SRRM4: variants seen among roughly 807,000 people sequenced by gnomAD.
SRRM4 encodes the protein serine/arginine repetitive matrix 4.
SRRM4 carries 33 observed loss-of-function variants against 68.9 expected under a neutral mutation model. The observed-to-expected ratio is 0.48, with a 90% CI of 0.36 to 0.64. SRRM4 has a LOEUF of 0.64. SRRM4 is among the 30% of genes least tolerant of loss of function. The probability of loss-of-function intolerance (pLI) is 0.00; values close to 1 mark genes in which losing one functional copy is unlikely to be tolerated. For missense variants in SRRM4, 817 were observed against 827.1 expected, an observed-to-expected ratio of 0.99 and a Z score of 0.15; for synonymous variants, 318 against 318.8, an observed-to-expected ratio of 1.00 and a Z score of 0.03.
intron 7 of SRRM4, among the ~76,000 whole-genome samples, chr12:119,127,844 C>T (rs1184858280): frequency 6.6e-6 from 1 of 152,160 alleles, no homozygotes; most frequent in Non-Finnish European, 1.5e-5. Context: ...TGCTCTGTGT[C>T]AGACACTGTG....
At chr12:119,142,757 T>C (rs1021029364) in intron 8 of SRRM4, among the ~76,000 whole-genome samples, 12 of 152,172 alleles carry the variant, frequency 7.9e-5, no homozygotes, top group African/African-American at 2.9e-4. Context: ...AAAGATTCCA[T>C]GATCCCATCT....
intron 1 of SRRM4, among the ~76,000 whole-genome samples, chr12:118,986,896 A>G (rs1953285786): frequency 6.6e-6 from 1 of 151,838 alleles, no homozygotes; most frequent in Admixed American, 6.6e-5. Flanking sequence ...AGAGCAATAC[A>G]TTAAAAAAAA....
chr12:119,116,425 C>A (rs1436237215), intron 3 of SRRM4, among the ~76,000 whole-genome samples: 1 of 152,150 alleles, frequency 6.6e-6, no homozygotes, highest in Non-Finnish European at 1.5e-5. Context: ...AAAGGAGAAA[C>A]CCTGAGACTT....
At chr12:118,991,322 T>C (rs914332758) in intron 1 of SRRM4, among the ~76,000 whole-genome samples, 1 of 152,244 alleles carries the variant, frequency 6.6e-6, no homozygotes, top group Non-Finnish European at 1.5e-5. Context: ...TCCTCTCCCC[T>C]GGTGCCTGAT....
Position 118,999,079 on chromosome 12 carries a change from A to G in SRRM4, c.131+17066A>G, listed in dbSNP as rs74733139. 8.9e-3 allele frequency among the ~76,000 whole-genome samples: 1,357 copies of G among 152,310 alleles called. 29 individuals are homozygous for G. The East Asian group carries it at 0.1, about 12-fold the overall frequency. Reference sequence around the variant, plus strand: ...GGATCAGGAAGACAAAATGAAGACAATCTTGGTGAAGACAGGGCAAAGGTA... The same window carrying G: ...GGATCAGGAAGACAAAATGAAGACAGTCTTGGTGAAGACAGGGCAAAGGTA... On this transcript the variant is annotated intron_variant, in intron 1 of 12. Transcript: ENST00000267260.
intron 1 of SRRM4, among the ~76,000 whole-genome samples, chr12:119,053,175 G>A (rs1410366006): frequency 6.6e-6 from 1 of 152,016 alleles, no homozygotes; most frequent in Non-Finnish European, 1.5e-5. Flanking sequence ...AGCCTGGGGC[G>A]AGTAGCAGTG....
Position 119,057,107 on chromosome 12 carries a change from C to T in SRRM4, c.132-45129C>T, listed in dbSNP as rs1157786347. Among the ~76,000 whole-genome samples, 4 of 152,354 alleles carry T rather than the reference C, an allele frequency of 2.6e-5. No individual in the cohort carries two copies. The East Asian group carries it at 7.7e-4, about 29-fold the overall frequency. On this transcript the variant is annotated intron_variant, in intron 1 of 12. Coordinates refer to ENST00000267260, the MANE Select transcript of SRRM4 (RefSeq NM_194286.4). ...AAGAACATAAAAGAAATGAAACCCG[C>T]ATCCTCAGACACTTGGTCCATGGTT...
intron 1 of SRRM4, among the ~76,000 whole-genome samples, chr12:119,005,060 T>C (rs1953407833): frequency 6.6e-6 from 1 of 152,204 alleles, no homozygotes; most frequent in Admixed American, 6.5e-5. Context: ...CTATTTGAAA[T>C]AAACATAATA....
At chr12:119,059,410 G>A (rs1350592615) in intron 1 of SRRM4, among the ~76,000 whole-genome samples, 1 of 152,096 alleles carries the variant, frequency 6.6e-6, no homozygotes, top group African/African-American at 2.4e-5. Context: ...CATTTATCAA[G>A]GACTTGGGGA....
chr12:119,131,010 A>G (rs1307838336), intron 8 of SRRM4, among the ~76,000 whole-genome samples, 176 bp downstream of exon 8: 1 of 152,170 alleles, frequency 6.6e-6, no homozygotes, highest in African/African-American at 2.4e-5. Context: ...CTTTGGCAAC[A>G]CTGGCTTGGG....
chr12:118,998,143 G>A (rs1404374820), intron 1 of SRRM4, among the ~76,000 whole-genome samples: 2 of 151,938 alleles, frequency 1.3e-5, no homozygotes, highest in Admixed American at 6.6e-5. Flanking sequence ...TAAGGGTCAC[G>A]TAGCTTGGTC....
At chr12:119,048,478 C>G (rs1174535024) in intron 1 of SRRM4, among the ~76,000 whole-genome samples, 1 of 152,150 alleles carries the variant, frequency 6.6e-6, no homozygotes, top group Non-Finnish European at 1.5e-5. Flanking sequence ...GCCTGGGATA[C>G]AGTTTTCCAA....
At position 119,059,259 on chromosome 12, in the gene SRRM4, T is replaced by TATTC. The variant is rs139267945; in HGVS notation, c.132-42953_132-42950dup. 4.4e-3 allele frequency among the ~76,000 whole-genome samples: 667 copies of TATTC among 152,180 alleles called. 7 individuals carry two copies. Among genetic ancestry groups the TATTC allele is most frequent in the African/African-American group, 0.013 (528 of 41,476 alleles). On this transcript the variant is annotated intron_variant, in intron 1 of 12. Transcript: ENST00000267260. ...TTGAAAAGACTCAGAATGCTGCTTTTATTCATTCATTCATTCATTCATTCA... is the reference window on the plus strand; with the variant it reads ...TTGAAAAGACTCAGAATGCTGCTTTTATTCATTCATTCATTCATTCATTCATTCA...
chr12:119,161,797 T>C lies in SRRM4; in HGVS notation c.*4999T>C, dbSNP rs1954515848. The C allele has an allele frequency of 6.6e-6, 1 of 152,268 alleles. No homozygotes were observed. Among genetic ancestry groups the C allele is most frequent in the Admixed American group, 6.6e-5 (1 of 15,244 alleles). The allele number at this position is 152,268 out of a possible 1,614,324, so 9.4% of individuals were successfully genotyped here. A position where few individuals can be genotyped will look rare whatever the true frequency, so the allele number is the denominator to read the frequency against. Reference sequence around the variant, plus strand: ...AAATGGAACTAAAACACTGGTTATCTCCAGGAAAACCTCATTTAGATGGAA... The same window carrying C: ...AAATGGAACTAAAACACTGGTTATCCCCAGGAAAACCTCATTTAGATGGAA... On this transcript the variant is annotated 3_prime_UTR_variant, in exon 13 of 13. Transcript: ENST00000267260.
intron 7 of SRRM4, among the ~76,000 whole-genome samples, chr12:119,126,136 G>A (rs756648928): frequency 9.9e-5 from 14 of 141,520 alleles, no homozygotes; most frequent in Non-Finnish European, 2.0e-4. Context: ...CGATTCTCCT[G>A]CCTCAGCCTC....
At chr12:119,023,090 A>G (rs1953526235) in intron 1 of SRRM4, among the ~76,000 whole-genome samples, 1 of 152,214 alleles carries the variant, frequency 6.6e-6, no homozygotes, top group Non-Finnish European at 1.5e-5. Context: ...GTTGGCTTCC[A>G]TCAATTCATT....
intron 8 of SRRM4, among the ~76,000 whole-genome samples, chr12:119,137,509 T>A (rs1243902747): frequency 6.6e-6 from 1 of 151,458 alleles, no homozygotes; most frequent in Non-Finnish European, 1.5e-5. Flanking sequence ...GGTGGGGGGA[T>A]TTAACTACTT....
intron 1 of SRRM4, among the ~76,000 whole-genome samples, chr12:119,070,375 A>G (rs1298644651): frequency 7.2e-5 from 11 of 152,154 alleles, no homozygotes. Context: ...CAGCCCTCTA[A>G]GTTATAGATC....
At chr12:119,028,341 T>G (rs1240897094) in intron 1 of SRRM4, among the ~76,000 whole-genome samples, 1 of 152,080 alleles carries the variant, frequency 6.6e-6, no homozygotes, top group African/African-American at 2.4e-5. Context: ...TCCCATGTAT[T>G]GTGGGAGGGA....
Sources: allele counts gnomAD v4.1 joint callset (sites outside exome capture counted in the v4.1 genomes callset), GRCh38; gene constraint gnomAD v4.1.1; transcripts MANE v1.5; gene names NCBI Gene and HGNC (gene_info 2026-07-23, HGNC 2026-07-21).